Variants in UNC5C observed in about 807,000 individuals in gnomAD.
UNC5C encodes the protein unc-5 netrin receptor C, also known as netrin receptor UNC5C.
UNC5C carries 47 observed loss-of-function variants against 99.8 expected under a neutral mutation model. That is an observed-to-expected ratio of 0.47 (90% CI 0.37 to 0.60). The LOEUF (loss-of-function observed/expected upper bound fraction) is 0.60. Among genes scored for constraint, UNC5C ranks in the 20% least tolerant of loss-of-function variants. The pLI, the probability that UNC5C is intolerant of heterozygous loss-of-function variation, is 0.00. For missense variants in UNC5C, 1,062 were observed against 1,165.9 expected, an observed-to-expected ratio of 0.91 and a Z score of 1.30; for synonymous variants, 487 against 452.2, an observed-to-expected ratio of 1.08 and a Z score of -0.98.
intron 1 of UNC5C, among the ~76,000 whole-genome samples, chr4:95,474,995 C>T (rs527781271): frequency 5.9e-5 from 9 of 152,084 alleles, no homozygotes; most frequent in Admixed American, 6.6e-5. Context: ...CCATCAAGCA[C>T]GTTTATATTG....
At chr4:95,178,605 TGAAGCCAACCTCTGATA>T (rs1736468942) in intron 14 of UNC5C, among the ~76,000 whole-genome samples, 1 of 152,220 alleles carries the variant, frequency 6.6e-6, no homozygotes, top group Admixed American at 6.5e-5. Flanking sequence ...AGAAAGAAGA[TGAAGCCAACCTCTGATA>T]GAAGCCCACC....
intron 1 of UNC5C, among the ~76,000 whole-genome samples, chr4:95,370,892 G>C (rs542877729): frequency 3.3e-5 from 5 of 152,272 alleles, no homozygotes; most frequent in African/African-American, 7.2e-5. Context: ...GTGGTCATTC[G>C]TTTTTCTAAT....
At chr4:95,485,299 T>G (rs932258199) in intron 1 of UNC5C, among the ~76,000 whole-genome samples, 5 of 151,770 alleles carry the variant, frequency 3.3e-5, no homozygotes, top group African/African-American at 9.7e-5. Flanking sequence ...TTAATGATAC[T>G]AAATGAGTTG....
At chr4:95,267,783 G>A (rs1165956702) in intron 4 of UNC5C, among the ~76,000 whole-genome samples, 2 of 150,928 alleles carry the variant, frequency 1.3e-5, no homozygotes, top group African/African-American at 4.9e-5. Flanking sequence ...GCAAATGCCA[G>A]TAAATAACAA....
At chr4:95,435,148 T>C (rs1746740109) in intron 1 of UNC5C, among the ~76,000 whole-genome samples, 1 of 152,064 alleles carries the variant, frequency 6.6e-6, no homozygotes, top group Admixed American at 6.6e-5. Flanking sequence ...GGTTTTGAAA[T>C]GTTGCATGAT....
chr4:95,206,822 CA>C (rs1235667299), intron 10 of UNC5C, 26 bp from the exon 11 acceptor site: 1 of 1,518,500 alleles, frequency 6.6e-7, no homozygotes, highest in East Asian at 2.4e-5. Context: ...AGAATGGCTT[CA>C]GTGACATTTC....
In UNC5C at chr4:95,305,300, C is replaced by A. The variant is rs146127789; in HGVS notation, c.347-3551G>T. On this transcript the variant is annotated intron_variant, in intron 2 of 15. Transcript: ENST00000453304. ...ATTCAGACTCTGAGCTACTTGGTTA[C>A]ATGCCATATTTTCATAACCATAGGT... 2.1e-4 allele frequency among the ~76,000 whole-genome samples: 32 copies of A among 152,308 alleles called. No individual in the cohort carries two copies. In the East Asian group the frequency reaches 5.4e-3, roughly 26 times the overall value.
At chr4:95,532,177 C>T (rs1291553850) in intron 1 of UNC5C, among the ~76,000 whole-genome samples, 1 of 152,138 alleles carries the variant, frequency 6.6e-6, no homozygotes, top group African/African-American at 2.4e-5. Flanking sequence ...TCCCAAATCA[C>T]AGGGTAGAAA....
intron 1 of UNC5C, among the ~76,000 whole-genome samples, chr4:95,370,088 T>C (rs1217974856): frequency 6.6e-6 from 1 of 152,168 alleles, no homozygotes; most frequent in Non-Finnish European, 1.5e-5. Context: ...CTCCAACACA[T>C]TAGCCAGTAG....
chr4:95,388,957 GC>G lies in UNC5C; in HGVS notation c.125-53327del, dbSNP rs547479592. On this transcript the variant is annotated intron_variant, in intron 1 of 15. Transcript: ENST00000453304. The stretch of plus-strand genomic sequence containing the variant: ...TATATAAAAGTGTTTCCTAGAGTCT[GC>G]CAGTTAAGAATCCATTGTGCTATTT... 4.4e-3 allele frequency among the ~76,000 whole-genome samples: 675 copies of G among 152,174 alleles called. 4 individuals are homozygous for G. The highest frequency in any genetic ancestry group is 7.2e-3 in the Non-Finnish European group (488 of 67,980).
intron 7 of UNC5C, among the ~76,000 whole-genome samples, chr4:95,226,694 C>A (rs1326101958): frequency 6.6e-6 from 1 of 152,150 alleles, no homozygotes; most frequent in Non-Finnish European, 1.5e-5. Context: ...TGGCTTCTGG[C>A]AAAAGATATG....
chr4:95,240,170 C>A (rs938904628), intron 7 of UNC5C, among the ~76,000 whole-genome samples: 3 of 152,204 alleles, frequency 2.0e-5, no homozygotes, highest in Admixed American at 1.3e-4. Flanking sequence ...CTGATTACAA[C>A]TTTCTGGCTA....
At chr4:95,414,853 G>A (rs1468133419) in intron 1 of UNC5C, among the ~76,000 whole-genome samples, 1 of 152,196 alleles carries the variant, frequency 6.6e-6, no homozygotes, top group Non-Finnish European at 1.5e-5. Context: ...ATACAGTGCA[G>A]TGAAGGAGAG....
At position 95,420,125 on chromosome 4, in the gene UNC5C, C is replaced by T. The variant is rs377282834; in HGVS notation, c.125-84494G>A. 2.0e-4 allele frequency among the ~76,000 whole-genome samples: 30 copies of T among 152,264 alleles called. No homozygotes were observed. In the South Asian group the frequency reaches 4.8e-3, roughly 24 times the overall value. Reference sequence around the variant, plus strand: ...AGCAATTAGTATGTGTTAATTTATTCTACACTTACTGTGTGTTTGAAAAAC... The same window carrying T: ...AGCAATTAGTATGTGTTAATTTATTTTACACTTACTGTGTGTTTGAAAAAC... On this transcript the variant is annotated intron_variant, in intron 1 of 15. Coordinates refer to ENST00000453304, the MANE Select transcript of UNC5C (RefSeq NM_003728.4).
intron 1 of UNC5C, among the ~76,000 whole-genome samples, chr4:95,521,929 G>T (rs549337087): frequency 6.6e-6 from 1 of 152,150 alleles, no homozygotes; most frequent in South Asian, 2.1e-4. Context: ...AAAACTGGCA[G>T]TTACAAATTG....
rs1432575969 is a variant in UNC5C, at chr4:95,254,137, C to T, written c.595-3470G>A. ...CTCTAAACATCTTTGCCTTGAATCT[C>T]ATGTCACCAGATTATATCACCCAAT... On this transcript the variant is annotated intron_variant, in intron 4 of 15. Coordinates refer to ENST00000453304, the MANE Select transcript of UNC5C (RefSeq NM_003728.4). 2.0e-5 allele frequency among the ~76,000 whole-genome samples: 3 copies of T among 152,152 alleles called. 1 individual carries two copies. Among genetic ancestry groups the T allele is most frequent in the African/African-American group, 7.2e-5 (3 of 41,432 alleles).
chr4:95,250,789 T>G, intron 4 of UNC5C, 122 bp from the exon 5 acceptor site: 1 of 955,558 alleles, frequency 1.0e-6, no homozygotes. Context: ...ACCTGTGTTT[T>G]GTAATATGTA....
At chr4:95,513,198 G>C (rs572761134) in intron 1 of UNC5C, among the ~76,000 whole-genome samples, 1 of 152,290 alleles carries the variant, frequency 6.6e-6, no homozygotes, top group South Asian at 2.1e-4. Flanking sequence ...TTATATGGCA[G>C]GAAACAACTA....
intron 1 of UNC5C, among the ~76,000 whole-genome samples, chr4:95,450,220 A>C (rs922662205): frequency 2.0e-4 from 30 of 152,156 alleles, no homozygotes; most frequent in African/African-American, 7.2e-4. Context: ...TTCTTCCCCC[A>C]ACCCCCTTGA....
Sources: allele counts gnomAD v4.1 joint callset (sites outside exome capture counted in the v4.1 genomes callset), GRCh38; gene constraint gnomAD v4.1.1; transcripts MANE v1.5; gene names NCBI Gene and HGNC (gene_info 2026-07-23, HGNC 2026-07-21).